Variants in NOTCH2 observed in about 807,000 individuals in gnomAD.
The protein encoded by NOTCH2 is notch receptor 2.
In NOTCH2, 29 loss-of-function variants were observed where a neutral mutation model predicts 235.8. That is an observed-to-expected ratio of 0.12 (90% confidence interval 0.09 to 0.17). The LOEUF is 0.17. Among genes scored for constraint, NOTCH2 ranks in the 10% least tolerant of loss-of-function variants. The probability of loss-of-function intolerance (pLI) is 1.00; values close to 1 mark genes in which losing one functional copy is unlikely to be tolerated. For synonymous variants in NOTCH2, 1,086 were observed against 1,141.5 expected (o/e 0.95, Z 0.98); for missense variants, 2,285 against 3,150.2 (o/e 0.73, Z 6.57).
At chr1:119,953,864 C>T (rs587722537) in intron 13 of NOTCH2, among the ~76,000 whole-genome samples, 176 bp from the exon 14 acceptor site, 2 of 152,190 alleles carry the variant, frequency 1.3e-5, no homozygotes, top group South Asian at 4.1e-4. Context: ...CAGGTGTATC[C>T]AGTAAAGAAA....
intron 5 of NOTCH2, among the ~76,000 whole-genome samples, chr1:119,984,082 G>A (rs1651920415): frequency 6.6e-6 from 1 of 152,082 alleles, no homozygotes; most frequent in African/African-American, 2.4e-5. Context: ...TAGGCTATTA[G>A]GTATAGTGAA....
intron 4 of NOTCH2, among the ~76,000 whole-genome samples, chr1:119,988,065 C>G (rs1322027111): frequency 6.6e-6 from 1 of 152,088 alleles, no homozygotes; most frequent in African/African-American, 2.4e-5. Flanking sequence ...TTGGCTTCCT[C>G]GAAATATCCC....
At chr1:119,973,571 C>G (rs1418535289) in intron 5 of NOTCH2, among the ~76,000 whole-genome samples, 2 of 152,172 alleles carry the variant, frequency 1.3e-5, no homozygotes, top group East Asian at 3.8e-4. Context: ...GTTGAGTATT[C>G]AGCCCTGGAT....
At chr1:119,921,593 G>T in intron 29 of NOTCH2, 120 bp downstream of exon 29, 1 of 839,620 alleles carries the variant, frequency 1.2e-6, no homozygotes, top group Non-Finnish European at 2.1e-6. Flanking sequence ...TATTGTCTGG[G>T]TAAGACATCA....
At chr1:119,966,970 C>A (rs587696363) in intron 8 of NOTCH2, among the ~76,000 whole-genome samples, 1 of 152,246 alleles carries the variant, frequency 6.6e-6, no homozygotes, top group Non-Finnish European at 1.5e-5. Flanking sequence ...TTGGCTGTAT[C>A]CTCTCAAAAT....
chr1:119,975,318 C>G (rs1553200788), intron 5 of NOTCH2, among the ~76,000 whole-genome samples: 1 of 152,146 alleles, frequency 6.6e-6, no homozygotes, highest in African/African-American at 2.4e-5. Context: ...TTTCTTGTTG[C>G]TCCATCCTCT....
intron 5 of NOTCH2, among the ~76,000 whole-genome samples, chr1:119,980,800 T>C (rs1651784066): frequency 6.6e-6 from 1 of 152,072 alleles, no homozygotes; most frequent in South Asian, 2.1e-4. Flanking sequence ...AGAAGTAAAA[T>C]ATTACAGGAG....
chr1:120,014,324 G>A (rs1215928909), intron 2 of NOTCH2, among the ~76,000 whole-genome samples: 2 of 152,200 alleles, frequency 1.3e-5, no homozygotes, highest in Non-Finnish European at 2.9e-5. Flanking sequence ...CAGCACTGTG[G>A]GAGGCCAAGG....
In NOTCH2 at chr1:119,913,948, C is replaced by T. The variant is rs1172863802; in HGVS notation, c.*1358G>A. Reference sequence around the variant, plus strand: ...GCACTTGAACATATAAAGTCCATGTCTTCAGTGAGAACATACTGGGTATAC... The same window carrying T: ...GCACTTGAACATATAAAGTCCATGTTTTCAGTGAGAACATACTGGGTATAC... On this transcript the variant is annotated 3_prime_UTR_variant, in exon 34 of 34. Coordinates refer to ENST00000256646, the MANE Select transcript of NOTCH2 (RefSeq NM_024408.4). 8.6e-6 allele frequency: 2 copies of T among 232,878 alleles called. No individual in the cohort carries two copies. The highest frequency in any genetic ancestry group is 1.7e-5 in the Non-Finnish European group (2 of 117,920). 14.4% of individuals were successfully genotyped at this position (232,878 alleles called of 1,614,324 possible).
intron 13 of NOTCH2, among the ~76,000 whole-genome samples, chr1:119,954,065 A>G (rs1650592192): frequency 6.6e-6 from 1 of 152,194 alleles, no homozygotes; most frequent in Non-Finnish European, 1.5e-5. Context: ...TTGGTGCCAA[A>G]TAGATACCTA....
intron 17 of NOTCH2, among the ~76,000 whole-genome samples, 145 bp downstream of exon 17, chr1:119,948,261 GAAAGAGTT>G (rs1357453280): frequency 5.3e-5 from 8 of 152,192 alleles, no homozygotes; most frequent in Non-Finnish European, 1.0e-4. Context: ...AGCTTCAAAA[GAAAGAGTT>G]AAAACACTAC....
At chr1:119,918,608 A>C in intron 31 of NOTCH2, 55 bp from the exon 32 acceptor site, 1 of 1,583,056 alleles carries the variant, frequency 6.3e-7, no homozygotes, top group South Asian at 1.1e-5. Context: ...GAAAATAATG[A>C]AACTCAGTGA....
chr1:119,971,486 G>A (rs1265118607), intron 5 of NOTCH2, among the ~76,000 whole-genome samples: 1 of 152,170 alleles, frequency 6.6e-6, no homozygotes, highest in Non-Finnish European at 1.5e-5. Flanking sequence ...CCAAAAAGAT[G>A]AGGAGGCTGG....
At position 119,915,897 on chromosome 1, in the gene NOTCH2, A is replaced by G; in HGVS notation, c.6825T>C (p.Ala2275=). ...GAGCTATGCCAGGATGGGTGCCCTC[A>G]GCTGGAGCCAGGACCATACCAAACA... is the stretch of plus-strand genomic sequence containing the variant. ...NEMFGMVLAP[A]EGTHPGIAPQ... is the part of the protein sequence containing the mutation. The change falls in exon 34 of 34, where the codon GCT becomes GCC. Residue 2275 remains alanine, a synonymous_variant. Transcript: ENST00000256646. 6.2e-7 allele frequency: 1 copy of G among 1,614,164 alleles called. No individual in the cohort carries two copies. Among genetic ancestry groups the G allele is most frequent in the Non-Finnish European group, 8.5e-7 (1 of 1,180,042 alleles).
chr1:120,060,709 G>A (rs1170105756), intron 1 of NOTCH2, among the ~76,000 whole-genome samples: 3 of 151,012 alleles, frequency 2.0e-5, no homozygotes, highest in Non-Finnish European at 3.0e-5. Context: ...TAAACATAAC[G>A]AATAATTCTG....
At chr1:119,958,037 C>T (rs1188809651) in intron 12 of NOTCH2, among the ~76,000 whole-genome samples, 26 of 152,244 alleles carry the variant, frequency 1.7e-4, no homozygotes, top group Admixed American at 1.6e-3. Flanking sequence ...TTCTCAACGT[C>T]GGTGACAATT....
Position 119,921,689 on chromosome 1 carries a change from G to C in NOTCH2, c.5310+24C>G, listed in dbSNP as rs752283310. Reference sequence around the variant, plus strand: ...TGTAACCAGATAATGGCTGACAATGGTGGTTCTACCATGGCCACCTCACCT... The same window carrying C: ...TGTAACCAGATAATGGCTGACAATGCTGGTTCTACCATGGCCACCTCACCT... On this transcript the variant is annotated intron_variant, in intron 29 of 33. Coordinates refer to ENST00000256646, the MANE Select transcript of NOTCH2 (RefSeq NM_024408.4). 28 of 1,591,512 alleles carry C rather than the reference G, an allele frequency of 1.8e-5. No homozygotes were observed. The Middle Eastern group carries it at 5.0e-4, about 28-fold the overall frequency.
rs1649024215 is a variant in NOTCH2, at chr1:119,915,311, C to T, written c.7411G>A (p.Ala2471Thr). The T allele has an allele frequency of 6.2e-7, 1 of 1,613,182 alleles. No individual in the cohort carries two copies. Among genetic ancestry groups the T allele is most frequent in the South Asian group, 1.1e-5 (1 of 91,040 alleles). Reference sequence around the variant, plus strand: ...TACACTGGAGGTGGACTCTCTCACGCATAAACCTGCATGTTGTTGTGTGGT... The same window carrying T: ...TACACTGGAGGTGGACTCTCTCACGTATAAACCTGCATGTTGTTGTGTGGT... ...EPPHNNMQVY[A>T] The change falls in exon 34 of 34, where the codon GCG becomes ACG. Residue 2471 changes from alanine (A) to threonine (T), a missense_variant. Ala to Thr is a moderately conservative substitution (Grantham distance 58). Coordinates refer to ENST00000256646, the MANE Select transcript of NOTCH2 (RefSeq NM_024408.4).
intron 21 of NOTCH2, among the ~76,000 whole-genome samples, chr1:119,936,329 GC>G (rs1649847615): frequency 1.3e-5 from 2 of 152,186 alleles, no homozygotes; most frequent in African/African-American, 2.4e-5. Flanking sequence ...ACAGCCAGTG[GC>G]AGGAATCTCT....
Sources: gnomAD v4.1 joint callset for allele counts (sites outside exome capture counted in the v4.1 genomes callset) on GRCh38, gnomAD v4.1.1 for gene constraint, MANE v1.5 for transcripts, NCBI Gene and HGNC (gene_info 2026-07-23, HGNC 2026-07-21) for gene names.